FGFR2: variants seen among roughly 807,000 people sequenced by gnomAD.
FGFR2 encodes the protein BEK fibroblast growth factor receptor.
Under a neutral mutation model 95.9 loss-of-function variants are expected in FGFR2, and 19 were observed. The observed-to-expected ratio is 0.20, with a 90% CI of 0.14 to 0.29. The LOEUF (loss-of-function observed/expected upper bound fraction) is 0.29. Ranked by LOEUF, FGFR2 falls within the 10% of genes least tolerant of loss-of-function variation. FGFR2 has a pLI of 1.00. For missense variants in FGFR2, 707 were observed against 1,056.9 expected, an observed-to-expected ratio of 0.67 and a Z score of 4.59; for synonymous variants, 392 against 393.3, an observed-to-expected ratio of 1.00 and a Z score of 0.04.
intron 2 of FGFR2, among the ~76,000 whole-genome samples, chr10:121,589,900 C>G (rs887313308): frequency 6.6e-6 from 1 of 152,204 alleles, no homozygotes; most frequent in African/African-American, 2.4e-5. Context: ...TATTTTAAAT[C>G]ATTCACTCTT....
At chr10:121,574,438 A>G (rs1044684401) in intron 2 of FGFR2, among the ~76,000 whole-genome samples, 1 of 152,124 alleles carries the variant, frequency 6.6e-6, no homozygotes, top group Non-Finnish European at 1.5e-5. Context: ...CTGAGGCAGG[A>G]GAATTGCTTG....
At chr10:121,514,895 C>T (rs1319800669) in intron 9 of FGFR2, among the ~76,000 whole-genome samples, 2 of 152,140 alleles carry the variant, frequency 1.3e-5, no homozygotes, top group African/African-American at 4.8e-5. Flanking sequence ...ACAGTATTGT[C>T]CTTTCTTGCC....
intron 10 of FGFR2, 114 bp from the exon 11 acceptor site, chr10:121,501,061 T>C (rs1847544502): frequency 1.4e-6 from 2 of 1,461,936 alleles, no homozygotes; most frequent in Non-Finnish European, 1.9e-6. Flanking sequence ...ATGGAGTGCT[T>C]ATCATATGGA....
chr10:121,506,177 T>G (rs527815437), intron 9 of FGFR2, among the ~76,000 whole-genome samples: 6 of 151,698 alleles, frequency 4.0e-5, no homozygotes, highest in African/African-American at 1.4e-4. Context: ...GCCAACATGG[T>G]GAAACCCTAT....
intron 4 of FGFR2, among the ~76,000 whole-genome samples, chr10:121,559,994 C>T (rs1000880320): frequency 2.0e-5 from 3 of 152,200 alleles, no homozygotes; most frequent in African/African-American, 7.2e-5. Flanking sequence ...CATCCAAAAA[C>T]CAAGCTGACA....
chr10:121,510,808 TTTTA>T (rs1196792091), intron 9 of FGFR2, among the ~76,000 whole-genome samples: 8 of 151,776 alleles, frequency 5.3e-5, no homozygotes, highest in Middle Eastern at 6.8e-3. Flanking sequence ...TTTTATTTTA[TTTTA>T]TTTGTGTGAG....
At position 121,591,005 on chromosome 10, in the gene FGFR2, ACG is replaced by A. The variant is rs68147676; in HGVS notation, c.109+2702_109+2703del. ...CGCACTCGCGCACACACACACACAC[ACG>A]CACACTCTCTCTCTCTCTCTCTCTC... On this transcript the variant is annotated intron_variant, in intron 2 of 17. Transcript: ENST00000358487. Among the ~76,000 whole-genome samples the A allele has an allele frequency of 1.2e-4, 18 of 144,164 alleles. No homozygotes were observed. In the South Asian group the frequency reaches 1.7e-3, roughly 14 times the overall value. The allele number at this position is 144,164 out of a possible 152,430, so 94.6% of individuals were successfully genotyped here.
intron 2 of FGFR2, among the ~76,000 whole-genome samples, chr10:121,570,373 C>A (rs1041316411): frequency 1.3e-5 from 2 of 152,232 alleles, no homozygotes; most frequent in African/African-American, 4.8e-5. Flanking sequence ...ATCAGAGAAT[C>A]CCCTGTGCCT....
At chr10:121,536,605 C>T (rs998368347) in intron 6 of FGFR2, among the ~76,000 whole-genome samples, 6 of 152,188 alleles carry the variant, frequency 3.9e-5, no homozygotes, top group Non-Finnish European at 8.8e-5. Context: ...CAAATCCCAA[C>T]CCTAAACTCT....
At position 121,479,789 on chromosome 10, in the gene FGFR2, T is replaced by C. The variant is rs1424929966; in HGVS notation, c.*68A>G. Reference sequence around the variant, plus strand: ...TGGAGACAACAAGCTCTGGGAGGCATGGTCTCCCTGCTCAGTGTAGCTAGG... The same window carrying C: ...TGGAGACAACAAGCTCTGGGAGGCACGGTCTCCCTGCTCAGTGTAGCTAGG... On this transcript the variant is annotated 3_prime_UTR_variant, in exon 18 of 18. Coordinates refer to ENST00000358487, the MANE Select transcript of FGFR2 (RefSeq NM_000141.5). 78 of 1,613,336 alleles carry C rather than the reference T, an allele frequency of 4.8e-5. No individual in the cohort carries two copies. In the South Asian group the frequency reaches 5.2e-4, roughly 11 times the overall value.
At chr10:121,559,687 C>T (rs1288479991) in intron 4 of FGFR2, among the ~76,000 whole-genome samples, 1 of 152,206 alleles carries the variant, frequency 6.6e-6, no homozygotes, top group African/African-American at 2.4e-5. Context: ...TGCTGTCATT[C>T]GAGAGCTAAT....
At chr10:121,501,074 T>G in intron 10 of FGFR2, 127 bp from the exon 11 acceptor site, 2 of 1,325,388 alleles carry the variant, frequency 1.5e-6, no homozygotes, top group Non-Finnish European at 2.1e-6. Context: ...CATATGGAAC[T>G]AATGAGACTT....
At chr10:121,524,146 A>ACACACACCCCCCCC (rs142755962) in intron 6 of FGFR2, among the ~76,000 whole-genome samples, 6 of 136,882 alleles carry the variant, frequency 4.4e-5, no homozygotes, top group Admixed American at 7.2e-5. Flanking sequence ...ACACACACAC[A>ACACACACCCCCCCC]CCCCAAGTTT....
chr10:121,591,419 T>C (rs1335368930), intron 2 of FGFR2, among the ~76,000 whole-genome samples: 3 of 152,248 alleles, frequency 2.0e-5, no homozygotes, highest in African/African-American at 7.2e-5. Flanking sequence ...ACCCGGTGCT[T>C]ACTGGATGCC....
chr10:121,491,736 G>T (rs1846155856), intron 13 of FGFR2, among the ~76,000 whole-genome samples: 1 of 152,148 alleles, frequency 6.6e-6, no homozygotes, highest in African/African-American at 2.4e-5. Context: ...CGGGCGTGGT[G>T]GCAAGCGCCT....
At chr10:121,535,570 G>C (rs1167963986) in intron 6 of FGFR2, among the ~76,000 whole-genome samples, 2 of 152,210 alleles carry the variant, frequency 1.3e-5, no homozygotes, top group African/African-American at 4.8e-5. Flanking sequence ...TCAGAATCCA[G>C]GGCTCTGGTA....
intron 8 of FGFR2, 68 bp from the exon 9 acceptor site, chr10:121,515,387 A>C: frequency 6.8e-7 from 1 of 1,479,368 alleles, no homozygotes. Flanking sequence ...AGACTGACGC[A>C]TCATAGCACA....
chr10:121,573,251 G>A (rs1029018678), intron 2 of FGFR2, among the ~76,000 whole-genome samples: 5 of 152,200 alleles, frequency 3.3e-5, no homozygotes, highest in Admixed American at 6.5e-5. Context: ...GAGAATGGAC[G>A]ACAGATTTAA....
chr10:121,565,738 G>C (rs201747373), intron 2 of FGFR2, 34 bp from the exon 3 acceptor site: 1 of 1,613,816 alleles, frequency 6.2e-7, no homozygotes, highest in African/African-American at 1.3e-5. Flanking sequence ...GACGGAGACA[G>C]ATGGGAAGGA....
Sources: allele counts gnomAD v4.1 joint callset (sites outside exome capture counted in the v4.1 genomes callset), GRCh38; gene constraint gnomAD v4.1.1; transcripts MANE v1.5; gene names NCBI Gene and HGNC (gene_info 2026-07-23, HGNC 2026-07-21).